SLC35F3: variants seen among roughly 807,000 people sequenced by gnomAD.
The protein encoded by SLC35F3 is putative thiamine transporter SLC35F3.
A neutral mutation model predicts 49.9 loss-of-function variants in SLC35F3; 25 were observed. The observed-to-expected ratio is 0.50, with a 90% CI of 0.37 to 0.70. The LOEUF (loss-of-function observed/expected upper bound fraction) is 0.70, where lower values mean the gene tolerates loss of function less well. Among genes scored for constraint, SLC35F3 ranks in the 30% least tolerant of loss-of-function variants. The pLI, the probability that SLC35F3 is intolerant of heterozygous loss-of-function variation, is 0.00. For synonymous variants in SLC35F3, 275 were observed against 265.4 expected, an observed-to-expected ratio of 1.04 and a Z score of -0.35; for missense variants, 525 against 639.8, an observed-to-expected ratio of 0.82 and a Z score of 1.94.
intron 2 of SLC35F3, among the ~76,000 whole-genome samples, chr1:234,051,776 T>C (rs1293887757): frequency 1.3e-5 from 2 of 152,150 alleles, no homozygotes; most frequent in Non-Finnish European, 2.9e-5. Context: ...GGCTGTGGGT[T>C]TGTCATAAAT....
intron 3 of SLC35F3, among the ~76,000 whole-genome samples, chr1:234,251,660 T>C (rs1334489311): frequency 6.6e-6 from 1 of 152,074 alleles, no homozygotes; most frequent in Admixed American, 6.6e-5. Context: ...TTTTAGGAAA[T>C]GGACAAGAAT....
intron 2 of SLC35F3, among the ~76,000 whole-genome samples, chr1:233,955,620 C>T (rs1296580792): frequency 3.3e-5 from 5 of 152,052 alleles, no homozygotes; most frequent in Non-Finnish European, 2.9e-5. Context: ...TGCTTTTGTT[C>T]AGGTTTTAAA....
rs75407466 is a variant in SLC35F3, at chr1:233,918,119, C to T, written c.283+12361C>T. 3.0e-3 allele frequency among the ~76,000 whole-genome samples: 456 copies of T among 152,358 alleles called. 12 individuals are homozygous for T. Among genetic ancestry groups the T allele is most frequent in the East Asian group, 0.026 (136 of 5,184 alleles). On this transcript the variant is annotated intron_variant, in intron 2 of 7. Coordinates refer to ENST00000366618, the MANE Select transcript of SLC35F3 (RefSeq NM_173508.4). Reference sequence around the variant, plus strand: ...CCCCACCTTTTCTTTGTGCTGAGCACGTGGAAGTCTGAGTCCCAAAGGGAA... The same window carrying T: ...CCCCACCTTTTCTTTGTGCTGAGCATGTGGAAGTCTGAGTCCCAAAGGGAA...
In SLC35F3 at chr1:234,214,396, C is replaced by T. The variant is rs376428464; in HGVS notation, c.284-17021C>T. 4.4e-6 allele frequency: 6 copies of T among 1,370,320 alleles called. No homozygotes were observed. The highest frequency in any genetic ancestry group is 4.7e-6 in the Non-Finnish European group (5 of 1,060,296). The allele number at this position is 1,370,320 out of a possible 1,614,324, so 84.9% of individuals were successfully genotyped here. A position where few individuals can be genotyped will look rare whatever the true frequency, so the allele number is the denominator to read the frequency against. On this transcript the variant is annotated intron_variant, in intron 2 of 7. Transcript: ENST00000366618. The surrounding 1 kb of genome is among the most constrained non-coding windows in gnomAD (Gnocchi z 8.0). ...GGGGCGAGCCGCTGGTGCTCCCCGG[C>T]GGCAGAGGGCCGCGTCGGCCACGGG... is the stretch of plus-strand genomic sequence containing the variant.
chr1:234,226,566 A>AGG (rs1558266189), intron 2 of SLC35F3, among the ~76,000 whole-genome samples: 25 of 147,496 alleles, frequency 1.7e-4, no homozygotes, highest in African/African-American at 6.0e-4. Context: ...AAAAAAAAAA[A>AGG]AAGCACCCAA....
rs529884016 is a variant in SLC35F3 at position 234,004,881 on chromosome 1, C to G, written c.283+99123C>G. ...TCTACCTTAGAGGTTCTGAATCATC[C>G]TCTCACTTGCAAATTTGCAACTCAG... On this transcript the variant is annotated intron_variant, in intron 2 of 7. Coordinates refer to ENST00000366618, the MANE Select transcript of SLC35F3 (RefSeq NM_173508.4). Among the ~76,000 whole-genome samples the G allele has an allele frequency of 2.6e-5, 4 of 152,186 alleles. No homozygotes were observed. The East Asian group carries it at 7.7e-4, about 29-fold the overall frequency.
At chr1:233,959,245 GT>G (rs5781772) in intron 2 of SLC35F3, among the ~76,000 whole-genome samples, 93,634 of 149,758 alleles carry the variant, frequency 0.63, 29,151 homozygotes, top group African/African-American at 0.67. Flanking sequence ...TGATTTAGGT[GT>G]TTTTTTTTTT....
chr1:233,937,304 CA>C (rs764308343), intron 2 of SLC35F3, among the ~76,000 whole-genome samples: 1 of 152,142 alleles, frequency 6.6e-6, no homozygotes, highest in Non-Finnish European at 1.5e-5. Context: ...GATCAGGATA[CA>C]AAAAGTAGCT....
At chr1:234,124,294 T>G (rs1410559012) in intron 2 of SLC35F3, among the ~76,000 whole-genome samples, 2 of 152,218 alleles carry the variant, frequency 1.3e-5, no homozygotes, top group African/African-American at 4.8e-5. Context: ...TGTCCAAGAC[T>G]CAGAATTCAC....
chr1:234,304,969 TA>T, intron 3 of SLC35F3, among the ~76,000 whole-genome samples: 1 of 151,912 alleles, frequency 6.6e-6, no homozygotes, highest in African/African-American at 2.4e-5. Flanking sequence ...AGAAAAAAAC[TA>T]AATAGAAAAA....
chr1:234,097,306 G>A (rs1665139477), intron 2 of SLC35F3, among the ~76,000 whole-genome samples: 1 of 152,074 alleles, frequency 6.6e-6, no homozygotes, highest in South Asian at 2.1e-4. Context: ...ATTCATCCAT[G>A]TAACCAAAAA....
chr1:234,108,897 C>A (rs66623462), intron 2 of SLC35F3, among the ~76,000 whole-genome samples: 20,696 of 149,890 alleles, frequency 0.14, 3,153 homozygotes, highest in East Asian at 0.81. Flanking sequence ...ATTGCTATAG[C>A]CATTACCAGA....
intron 2 of SLC35F3, among the ~76,000 whole-genome samples, chr1:234,170,607 C>T (rs1666387422): frequency 6.6e-6 from 1 of 152,128 alleles, no homozygotes; most frequent in African/African-American, 2.4e-5. Flanking sequence ...CCCCTCACCA[C>T]AGGCCTGAGC....
intron 2 of SLC35F3, among the ~76,000 whole-genome samples, chr1:234,089,013 C>T (rs1224954922): frequency 6.6e-5 from 10 of 152,200 alleles, no homozygotes; most frequent in East Asian, 1.9e-4. Context: ...CTGCCCACCT[C>T]GGCCCCCCAG....
chr1:234,130,944 A>AG (rs35694091), intron 2 of SLC35F3, among the ~76,000 whole-genome samples: 58,522 of 151,954 alleles, frequency 0.39, 13,234 homozygotes, highest in Non-Finnish European at 0.52. Flanking sequence ...GATAAAAAAA[A>AG]TTTATATATT....
rs1233338407 is a variant in SLC35F3 at position 234,214,289 on chromosome 1, G to C, written c.284-17128G>C. On this transcript the variant is annotated intron_variant, in intron 2 of 7. Transcript: ENST00000366618. The surrounding 1 kb of genome is among the most constrained non-coding windows in gnomAD (Gnocchi z 8.0). ...GTGGAGTGGCTGCGCGGCCGGGGAGGATGTGCGCTGCAGGGCGGCCGCCGC... is the reference window on the plus strand; with the variant it reads ...GTGGAGTGGCTGCGCGGCCGGGGAGCATGTGCGCTGCAGGGCGGCCGCCGC... The C allele has an allele frequency of 1.6e-6, 2 of 1,281,886 alleles. No individual in the cohort carries two copies. Among genetic ancestry groups the C allele is most frequent in the Non-Finnish European group, 2.0e-6 (2 of 1,018,012 alleles). 79.4% of individuals were successfully genotyped at this position (1,281,886 alleles called of 1,614,324 possible). A position where few individuals can be genotyped will look rare whatever the true frequency, so the allele number is the denominator to read the frequency against.
chr1:234,049,362 T>C (rs1321262983), intron 2 of SLC35F3, among the ~76,000 whole-genome samples: 3 of 151,924 alleles, frequency 2.0e-5, no homozygotes, highest in African/African-American at 2.4e-5. Flanking sequence ...CTCCTCTCTC[T>C]TCTCTCTCTC....
At chr1:234,121,073 A>T (rs1333143066) in intron 2 of SLC35F3, among the ~76,000 whole-genome samples, 1 of 151,296 alleles carries the variant, frequency 6.6e-6, no homozygotes, top group Middle Eastern at 3.4e-3. Context: ...ATAGCCCATG[A>T]TAATTTTTTT....
chr1:234,111,941 C>G (rs1665413163), intron 2 of SLC35F3, among the ~76,000 whole-genome samples: 1 of 152,154 alleles, frequency 6.6e-6, no homozygotes, highest in Non-Finnish European at 1.5e-5. Context: ...GAGACAAGCG[C>G]CTGAGAATAG....
Sources: allele counts gnomAD v4.1 joint callset (sites outside exome capture counted in the v4.1 genomes callset), GRCh38; gene constraint gnomAD v4.1.1; non-coding constraint Gnocchi (gnomAD v3.1); transcripts MANE v1.5; gene names NCBI Gene and HGNC (gene_info 2026-07-23, HGNC 2026-07-21).